Variants in PKP4 observed in about 807,000 individuals in gnomAD.
The protein encoded by PKP4 is plakophilin 4, also known as plakophilin-4.
A neutral mutation model predicts 145.1 loss-of-function variants in PKP4; 90 were observed. The observed-to-expected ratio is 0.62, with a 90% CI of 0.52 to 0.74. PKP4 has a LOEUF of 0.74. Among genes scored for constraint, PKP4 ranks in the 30% least tolerant of loss-of-function variants. The pLI is 0.00. For synonymous variants in PKP4, 563 were observed against 577.2 expected (o/e 0.98, Z 0.35); for missense variants, 1,340 against 1,482.7 (o/e 0.90, Z 1.58).
At chr2:158,571,307 G>A (rs2047391357) in intron 2 of PKP4, among the ~76,000 whole-genome samples, 1 of 152,194 alleles carries the variant, frequency 6.6e-6, no homozygotes, top group African/African-American at 2.4e-5. Flanking sequence ...TGATAAGGAA[G>A]AAAAGGAAAA....
At chr2:158,680,196 T>C (rs1234603246) in intron 21 of PKP4, among the ~76,000 whole-genome samples, 2 of 152,194 alleles carry the variant, frequency 1.3e-5, no homozygotes, top group Non-Finnish European at 2.9e-5. Flanking sequence ...AGGCACCTGC[T>C]TCTCTAGAGG....
rs112645450 is a variant in PKP4, at chr2:158,603,877, G to A, written c.280+773G>A. On this transcript the variant is annotated intron_variant, in intron 4 of 21. Transcript: ENST00000389759. ...CTTTTCAAACAAGACTTGAATTGAG[G>A]AAGACTTAGATAACCAAATGCCCAG... Among the ~76,000 whole-genome samples, 309 of 152,280 alleles carry A rather than the reference G, an allele frequency of 2.0e-3. 2 individuals are homozygous for A. The highest frequency in any genetic ancestry group is 7.1e-3 in the African/African-American group (295 of 41,554).
In PKP4 at chr2:158,607,666, T is replaced by C. The variant is rs187773886; in HGVS notation, c.280+4562T>C. ...GTTGTTTAAAATAGAGCCAGAGAAATACCCTGATTTCCCCATGCAATTTTT... is the reference window on the plus strand; with the variant it reads ...GTTGTTTAAAATAGAGCCAGAGAAACACCCTGATTTCCCCATGCAATTTTT... On this transcript the variant is annotated intron_variant, in intron 4 of 21. Coordinates refer to ENST00000389759, the MANE Select transcript of PKP4 (RefSeq NM_003628.6). 2.3e-3 allele frequency among the ~76,000 whole-genome samples: 353 copies of C among 152,176 alleles called. 2 individuals are homozygous for C. The highest frequency in any genetic ancestry group is 8.3e-3 in the African/African-American group (344 of 41,544).
chr2:158,538,152 C>T (rs73004827), intron 2 of PKP4, among the ~76,000 whole-genome samples: 9,623 of 152,270 alleles, frequency 0.063, 640 homozygotes, highest in African/African-American at 0.16. Flanking sequence ...TTTGATAAGA[C>T]ATTCGCTGCT....
rs1411316849 is a variant in PKP4 at position 158,538,426 on chromosome 2, A to C, written c.132+5110A>C. Among the ~76,000 whole-genome samples, 4 of 152,108 alleles carry C rather than the reference A, an allele frequency of 2.6e-5. No homozygotes were observed. In the East Asian group the frequency reaches 7.7e-4, roughly 29 times the overall value. On this transcript the variant is annotated intron_variant, in intron 2 of 21. Transcript: ENST00000389759. Reference sequence around the variant, plus strand: ...TGCAAGTTGATTTCTGGTTTTGTAGAATTGCACATGTAATATTCATTAGAG... The same window carrying C: ...TGCAAGTTGATTTCTGGTTTTGTAGCATTGCACATGTAATATTCATTAGAG...
intron 1 of PKP4, among the ~76,000 whole-genome samples, chr2:158,475,094 AGC>A (rs1197257577): frequency 6.6e-6 from 1 of 152,160 alleles, no homozygotes; most frequent in Non-Finnish European, 1.5e-5. Context: ...ATCATGAATT[AGC>A]GATTGTGTTG....
intron 4 of PKP4, among the ~76,000 whole-genome samples, chr2:158,605,522 T>G (rs2050584668): frequency 1.3e-5 from 2 of 151,718 alleles, no homozygotes; most frequent in Admixed American, 1.3e-4. Context: ...TGCAGGTTTG[T>G]TTTTTTTATG....
chr2:158,486,939 G>A (rs544549416), intron 1 of PKP4, among the ~76,000 whole-genome samples: 1 of 152,324 alleles, frequency 6.6e-6, no homozygotes, highest in East Asian at 1.9e-4. Context: ...TTCACAGAAT[G>A]ATTACAGTCA....
At chr2:158,552,713 A>T (rs1282165255) in intron 2 of PKP4, among the ~76,000 whole-genome samples, 1 of 152,220 alleles carries the variant, frequency 6.6e-6, no homozygotes, top group African/African-American at 2.4e-5. Context: ...AAAGTGAGAC[A>T]TAAATTTTTT....
chr2:158,567,169 T>C lies in PKP4; in HGVS notation c.133-10102T>C, dbSNP rs762734603. Among the ~76,000 whole-genome samples the C allele has an allele frequency of 2.6e-5, 4 of 152,300 alleles. No individual in the cohort carries two copies. The South Asian group carries it at 8.3e-4, about 32-fold the overall frequency. ...GAGAGATACTAAGATGAGTGAAATA[T>C]AGATTCCACTCTTCTTTAAGAGGAG... On this transcript the variant is annotated intron_variant, in intron 2 of 21. Coordinates refer to ENST00000389759, the MANE Select transcript of PKP4 (RefSeq NM_003628.6).
intron 1 of PKP4, among the ~76,000 whole-genome samples, chr2:158,499,846 A>G (rs1165778962): frequency 7.2e-5 from 11 of 152,260 alleles, no homozygotes; most frequent in Non-Finnish European, 1.3e-4. Flanking sequence ...ATGTTGGGAC[A>G]TACAGAATAT....
intron 11 of PKP4, among the ~76,000 whole-genome samples, chr2:158,644,931 C>T (rs73006915): frequency 0.038 from 5,753 of 152,132 alleles, 401 homozygotes; most frequent in African/African-American, 0.13. Flanking sequence ...TTTAAAACAA[C>T]ATTTCTTCAA....
At chr2:158,564,985 A>T (rs1378822965) in intron 2 of PKP4, among the ~76,000 whole-genome samples, 1 of 152,236 alleles carries the variant, frequency 6.6e-6, no homozygotes, top group Non-Finnish European at 1.5e-5. Context: ...TTAGCAACAG[A>T]AAATGACATA....
intron 2 of PKP4, among the ~76,000 whole-genome samples, chr2:158,562,984 G>C (rs2046673587): frequency 6.6e-6 from 1 of 152,092 alleles, no homozygotes; most frequent in Non-Finnish European, 1.5e-5. Flanking sequence ...TAAAACCGTA[G>C]AGTAAGCCAA....
At chr2:158,461,112 AG>A (rs1689697076) in intron 1 of PKP4, among the ~76,000 whole-genome samples, 1 of 152,242 alleles carries the variant, frequency 6.6e-6, no homozygotes, top group African/African-American at 2.4e-5. Context: ...TAAGTTGCCA[AG>A]AACAGTAATT....
At chr2:158,654,272 G>A (rs767223345) in intron 11 of PKP4, among the ~76,000 whole-genome samples, 2 of 152,090 alleles carry the variant, frequency 1.3e-5, no homozygotes, top group East Asian at 3.9e-4. Flanking sequence ...GCCTTTTGGT[G>A]GGTCCCTTGA....
At chr2:158,557,946 G>A (rs1239642192) in intron 2 of PKP4, among the ~76,000 whole-genome samples, 1 of 152,140 alleles carries the variant, frequency 6.6e-6, no homozygotes, top group Non-Finnish European at 1.5e-5. Flanking sequence ...TAGATAGCTG[G>A]ACACATGGAC....
At chr2:158,664,389 G>A (rs2056891136) in intron 15 of PKP4, among the ~76,000 whole-genome samples, 1 of 152,206 alleles carries the variant, frequency 6.6e-6, no homozygotes, top group South Asian at 2.1e-4. Flanking sequence ...CTGTAAGCAA[G>A]TTCTCAGAAC....
At position 158,469,323 on chromosome 2, in the gene PKP4, CAGGTGAT is replaced by C. The variant is rs545830897; in HGVS notation, c.-6+12106_-6+12112del. On this transcript the variant is annotated intron_variant, in intron 1 of 21. Transcript: ENST00000389759. ...CAGGCTGGTCTCGAACTCCTGACCTCAGGTGATCTGCCTGCTTTGGCCTCCCAAAGTG... is the reference window on the plus strand; with the variant it reads ...CAGGCTGGTCTCGAACTCCTGACCTCCTGCCTGCTTTGGCCTCCCAAAGTG... Among the ~76,000 whole-genome samples, 730 of 152,230 alleles carry C rather than the reference CAGGTGAT, an allele frequency of 4.8e-3. 1 individual carries two copies. Among genetic ancestry groups the C allele is most frequent in the African/African-American group, 0.016 (668 of 41,550 alleles).
Sources: allele counts gnomAD v4.1 joint callset (sites outside exome capture counted in the v4.1 genomes callset), GRCh38; gene constraint gnomAD v4.1.1; transcripts MANE v1.5; gene names NCBI Gene and HGNC (gene_info 2026-07-23, HGNC 2026-07-21).